Variants in AGBL1 observed in about 807,000 individuals in gnomAD.
The protein encoded by AGBL1 is AGBL carboxypeptidase 1.
Under a neutral mutation model 118.9 loss-of-function variants are expected in AGBL1, and 130 were observed. That is an observed-to-expected ratio of 1.09 (90% CI 0.95 to 1.26). The LOEUF (loss-of-function observed/expected upper bound fraction) is 1.26. Among genes scored for constraint, AGBL1 ranks in the 50% most tolerant of loss-of-function variants. The pLI, the probability that AGBL1 is intolerant of heterozygous loss-of-function variation, is 0.00. For synonymous variants in AGBL1, 555 were observed against 478.9 expected, an observed-to-expected ratio of 1.16 and a Z score of -2.08; for missense variants, 1,584 against 1,298.1, an observed-to-expected ratio of 1.22 and a Z score of -3.38.
chr15:86,258,742 G>A (rs997288629), intron 9 of AGBL1, among the ~76,000 whole-genome samples: 1 of 151,940 alleles, frequency 6.6e-6, no homozygotes, highest in East Asian at 1.9e-4. Context: ...AGTCTCACTC[G>A]TGTCACCAGG....
intron 19 of AGBL1, among the ~76,000 whole-genome samples, chr15:86,536,493 T>C (rs2083427613): frequency 1.3e-5 from 2 of 152,120 alleles, no homozygotes; most frequent in South Asian, 4.1e-4. Flanking sequence ...GTATTTTTAG[T>C]AGAAACGGGG....
chr15:86,141,905 A>G lies in AGBL1; in HGVS notation c.52-99A>G, dbSNP rs1022330324. The G allele has an allele frequency of 1.2e-5, 14 of 1,217,214 alleles. No homozygotes were observed. In the African/African-American group the frequency reaches 1.5e-4, roughly 13 times the overall value. 75.4% of individuals were successfully genotyped at this position (1,217,214 alleles called of 1,614,324 possible). On this transcript the variant is annotated intron_variant, in intron 1 of 22. Transcript: ENST00000614907. ...CTTTCGCTGTAGTTAATCTTTCTCCATGACAGGAAGTAGAGCTCTGCCATT... is the reference window on the plus strand; with the variant it reads ...CTTTCGCTGTAGTTAATCTTTCTCCGTGACAGGAAGTAGAGCTCTGCCATT...
At chr15:86,699,688 T>C (rs540737986) in intron 22 of AGBL1, among the ~76,000 whole-genome samples, 2 of 152,182 alleles carry the variant, frequency 1.3e-5, no homozygotes, top group African/African-American at 4.8e-5. Flanking sequence ...GGTGTTTTTG[T>C]CTTTATTAGT....
chr15:86,154,640 T>G (rs2077164155), intron 4 of AGBL1, 79 bp downstream of exon 4: 4 of 1,486,456 alleles, frequency 2.7e-6, no homozygotes, highest in Non-Finnish European at 3.6e-6. Context: ...GAGGGTCTGG[T>G]TGGAAGAAAA....
intron 18 of AGBL1, among the ~76,000 whole-genome samples, chr15:86,484,174 C>G (rs1289865145): frequency 6.6e-6 from 1 of 152,126 alleles, no homozygotes; most frequent in African/African-American, 2.4e-5. Flanking sequence ...TCTCTCCCCT[C>G]AAGCAAGTAA....
At chr15:86,260,735 C>G (rs2078969030) in intron 9 of AGBL1, among the ~76,000 whole-genome samples, 1 of 152,110 alleles carries the variant, frequency 6.6e-6, no homozygotes, top group Admixed American at 6.5e-5. Context: ...GTGGTGAACT[C>G]AAGTCTGAGG....
chr15:86,479,925 A>G (rs903141745), intron 18 of AGBL1, among the ~76,000 whole-genome samples: 16 of 152,146 alleles, frequency 1.1e-4, no homozygotes, highest in Admixed American at 7.9e-4. Context: ...ATGAATTCAT[A>G]TCCTTTGTAG....
In AGBL1 at chr15:86,914,861, C is replaced by T. The variant is rs1270151619; in HGVS notation, c.*7567C>T. 2 of 152,130 alleles carry T rather than the reference C, an allele frequency of 1.3e-5. No homozygotes were observed. Among genetic ancestry groups the T allele is most frequent in the African/African-American group, 4.8e-5 (2 of 41,420 alleles). 9.4% of individuals were successfully genotyped at this position (152,130 alleles called of 1,614,324 possible). A position where few individuals can be genotyped will look rare whatever the true frequency, so the allele number is the denominator to read the frequency against. The stretch of plus-strand genomic sequence containing the variant: ...AGGAAAGTGTGTTGTTCTTGTAGAT[C>T]CTTGACTCAAATACAAGTAACTCCT... On this transcript the variant is annotated 3_prime_UTR_variant, in exon 23 of 23. Coordinates refer to ENST00000614907, the MANE Select transcript of AGBL1 (RefSeq NM_001386094.1).
chr15:86,368,436 T>A lies in AGBL1; in HGVS notation c.2375-28930T>A, dbSNP rs2080923958. On this transcript the variant is annotated intron_variant, in intron 17 of 22. Coordinates refer to ENST00000614907, the MANE Select transcript of AGBL1 (RefSeq NM_001386094.1). The stretch of plus-strand genomic sequence containing the variant: ...CTATATGACATCAAATATATAAAAA[T>A]TTTATATGAAGATTTTAAAGTTACT... Among the ~76,000 whole-genome samples, 2 of 152,132 alleles carry A rather than the reference T, an allele frequency of 1.3e-5. 1 individual carries two copies. The highest frequency in any genetic ancestry group is 4.1e-4 in the South Asian group (2 of 4,824).
chr15:86,525,843 A>G (rs2083255592), intron 19 of AGBL1, among the ~76,000 whole-genome samples: 1 of 152,074 alleles, frequency 6.6e-6, no homozygotes, highest in Non-Finnish European at 1.5e-5. Context: ...TATGGTGAAG[A>G]CAACAGAAAC....
chr15:86,731,741 A>G (rs1174595107), intron 22 of AGBL1, among the ~76,000 whole-genome samples: 1 of 152,232 alleles, frequency 6.6e-6, no homozygotes, highest in African/African-American at 2.4e-5. Context: ...CTGACCTAAG[A>G]TAACAGAGTA....
chr15:86,183,798 C>T (rs1756615613), intron 5 of AGBL1, among the ~76,000 whole-genome samples: 1 of 152,178 alleles, frequency 6.6e-6, no homozygotes, highest in African/African-American at 2.4e-5. Context: ...ACCAAAGTCC[C>T]TCAATCAGAT....
chr15:86,118,978 T>C (rs1170399637), intron 1 of AGBL1, among the ~76,000 whole-genome samples: 1 of 152,212 alleles, frequency 6.6e-6, no homozygotes, highest in African/African-American at 2.4e-5. Flanking sequence ...GTGAGTATTA[T>C]GTAATACTCT....
At chr15:86,195,503 AT>A in intron 5 of AGBL1, among the ~76,000 whole-genome samples, 2 of 152,296 alleles carry the variant, frequency 1.3e-5, no homozygotes, top group Middle Eastern at 3.4e-3. Flanking sequence ...CCCCAAAGTA[AT>A]TTTTCTATCA....
intron 22 of AGBL1, among the ~76,000 whole-genome samples, chr15:86,749,571 G>T (rs981980470): frequency 2.6e-5 from 4 of 152,096 alleles, no homozygotes; most frequent in Non-Finnish European, 5.9e-5. Context: ...GTGAGAGAGG[G>T]CATCCCTGTC....
intron 7 of AGBL1, among the ~76,000 whole-genome samples, 154 bp downstream of exon 7, chr15:86,248,033 C>A (rs2078750113): frequency 6.6e-6 from 1 of 152,162 alleles, no homozygotes; most frequent in South Asian, 2.1e-4. Context: ...AGGCTTCATT[C>A]CAGGCCAGGC....
chr15:86,173,845 G>C (rs2077446976), intron 5 of AGBL1, among the ~76,000 whole-genome samples: 1 of 152,098 alleles, frequency 6.6e-6, no homozygotes, highest in Non-Finnish European at 1.5e-5. Context: ...GGTTGCTATA[G>C]CTTTGTATTA....
At chr15:87,002,172 G>A (rs2081446996) in intron 24 of AGBL1, among the ~76,000 whole-genome samples, 2 of 152,056 alleles carry the variant, frequency 1.3e-5, no homozygotes, top group Admixed American at 1.3e-4. Flanking sequence ...ATAAGGAAGG[G>A]ATCCAGTTTC....
chr15:86,618,640 G>A (rs2084762833), intron 21 of AGBL1, among the ~76,000 whole-genome samples: 1 of 152,080 alleles, frequency 6.6e-6, no homozygotes, highest in East Asian at 1.9e-4. Context: ...ATAATTCTTA[G>A]GCATCTCAAA....
Sources: allele counts gnomAD v4.1 joint callset (sites outside exome capture counted in the v4.1 genomes callset), GRCh38; gene constraint gnomAD v4.1.1; transcripts MANE v1.5; gene names NCBI Gene and HGNC (gene_info 2026-07-23, HGNC 2026-07-21).